ZNRF2: variants seen among roughly 807,000 people sequenced by gnomAD.
The protein encoded by ZNRF2 is E3 ubiquitin-protein ligase ZNRF2.
A neutral mutation model predicts 20.4 loss-of-function variants in ZNRF2; 16 were observed. The observed-to-expected ratio is 0.79, with a 90% CI of 0.53 to 1.19. The LOEUF is 1.19. ZNRF2 is among the 50% of genes most tolerant of loss of function. The pLI is 0.00. For synonymous variants in ZNRF2, 178 were observed against 144.9 expected (o/e 1.23, Z -1.64); for missense variants, 363 against 332.4 (o/e 1.09, Z -0.72).
At chr7:30,314,247 T>C (rs576687663) in intron 1 of ZNRF2, among the ~76,000 whole-genome samples, 12 of 152,188 alleles carry the variant, frequency 7.9e-5, no homozygotes, top group East Asian at 5.8e-4. Context: ...AGATGACCTT[T>C]ATTTTCTAAT....
chr7:30,286,659 TCC>T (rs1798796032), intron 1 of ZNRF2, among the ~76,000 whole-genome samples: 1 of 152,200 alleles, frequency 6.6e-6, no homozygotes, highest in African/African-American at 2.4e-5. Context: ...GGAAAATGAA[TCC>T]TACTTCTTCA....
intron 3 of ZNRF2, among the ~76,000 whole-genome samples, chr7:30,360,708 C>T (rs954096613): frequency 9.9e-5 from 15 of 151,786 alleles, no homozygotes; most frequent in African/African-American, 2.4e-4. Context: ...AAACAAAAAG[C>T]GAAAATGTAA....
At chr7:30,341,932 A>C (rs1799801340) in intron 2 of ZNRF2, among the ~76,000 whole-genome samples, 1 of 152,084 alleles carries the variant, frequency 6.6e-6, no homozygotes, top group Non-Finnish European at 1.5e-5. Flanking sequence ...TATTTAGGAT[A>C]GTTAGCTCTT....
At chr7:30,294,913 A>G (rs1296975674) in intron 1 of ZNRF2, among the ~76,000 whole-genome samples, 1 of 151,132 alleles carries the variant, frequency 6.6e-6, no homozygotes, top group African/African-American at 2.4e-5. Context: ...AAAGGATCCT[A>G]GGGTAACTTA....
chr7:30,298,639 A>G (rs1799057708), intron 1 of ZNRF2, among the ~76,000 whole-genome samples: 1 of 152,228 alleles, frequency 6.6e-6, no homozygotes, highest in South Asian at 2.1e-4. Context: ...GTATCAATAC[A>G]GGACCTCTGC....
Position 30,361,536 on chromosome 7 carries a change from A to G in ZNRF2, c.672-841A>G, listed in dbSNP as rs145754743. ...TTGAATCCTGCTTGGATAACTTGCT[A>G]GCTGTTAGGCAAGTAATAGCTAGTT... On this transcript the variant is annotated intron_variant, in intron 3 of 4. Transcript: ENST00000323037. Among the ~76,000 whole-genome samples, 545 of 152,328 alleles carry G rather than the reference A, an allele frequency of 3.6e-3. 4 individuals are homozygous for G. The highest frequency in any genetic ancestry group is 0.012 in the African/African-American group (517 of 41,568).
intron 2 of ZNRF2, among the ~76,000 whole-genome samples, chr7:30,329,448 G>A (rs1215448392): frequency 6.6e-6 from 1 of 151,932 alleles, no homozygotes; most frequent in Non-Finnish European, 1.5e-5. Context: ...CCCTTCCCCA[G>A]TACCCTTCCC....
At chr7:30,333,705 C>T (rs895285417) in intron 2 of ZNRF2, among the ~76,000 whole-genome samples, 20 of 152,200 alleles carry the variant, frequency 1.3e-4, no homozygotes, top group African/African-American at 2.6e-4. Flanking sequence ...TTCTGACTTG[C>T]GTGAGGTGGT....
chr7:30,363,784 C>T (rs927257823), intron 4 of ZNRF2, among the ~76,000 whole-genome samples: 7 of 151,472 alleles, frequency 4.6e-5, no homozygotes, highest in African/African-American at 1.7e-4. Context: ...TTCACAAGTG[C>T]ATTAAATTGA....
rs1798758924 is a variant in ZNRF2 at position 30,285,475 on chromosome 7, G to A, written c.118G>A (p.Gly40Ser). The A allele has an allele frequency of 1.8e-6, 2 of 1,107,094 alleles. No individual in the cohort carries two copies. The highest frequency in any genetic ancestry group is 2.5e-5 in the South Asian group (1 of 39,766). 68.6% of individuals were successfully genotyped at this position (1,107,094 alleles called of 1,614,324 possible). A position where few individuals can be genotyped will look rare whatever the true frequency, so the allele number is the denominator to read the frequency against. Reference protein sequence around the residue: ...GANGTAGGGGGARAAAAGRFP... With the variant: ...GANGTAGGGGSARAAAAGRFP... The stretch of plus-strand genomic sequence containing the variant: ...CAATGGGACCGCGGGCGGCGGCGGG[G>A]GCGCTCGGGCCGCCGCCGCGGGGAG... The change falls in exon 1 of 5, where the codon GGC becomes AGC. Residue 40 changes from glycine to serine, a missense_variant. Gly to Ser is a moderately conservative substitution (Grantham distance 56, BLOSUM62 0). This residue lies in a region of ZNRF2 where 302 missense variants were observed against 231.5 expected (regional missense o/e 1.30). Transcript: ENST00000323037.
rs556500264 is a variant in ZNRF2, at chr7:30,350,436, A to G, written c.566-5292A>G. 3.9e-5 allele frequency among the ~76,000 whole-genome samples: 6 copies of G among 152,180 alleles called. No homozygotes were observed. In the South Asian group the frequency reaches 1.2e-3, roughly 32 times the overall value. On this transcript the variant is annotated intron_variant, in intron 2 of 4. Transcript: ENST00000323037. ...ATTTAAACTAGAGAGGCATTGAAAA[A>G]GTAATTTTCAGTGGCATCTAGGCAG...
At chr7:30,345,463 A>G (rs1799862346) in intron 2 of ZNRF2, among the ~76,000 whole-genome samples, 1 of 151,830 alleles carries the variant, frequency 6.6e-6, no homozygotes, top group Non-Finnish European at 1.5e-5. Flanking sequence ...TAGTGGATAT[A>G]TAGTGTTCTG....
intron 1 of ZNRF2, among the ~76,000 whole-genome samples, chr7:30,291,275 A>G (rs950759151): frequency 6.6e-5 from 10 of 152,234 alleles, no homozygotes; most frequent in African/African-American, 2.2e-4. Context: ...ATAGTGCTGT[A>G]GGTTTGTTTT....
At chr7:30,301,700 T>TA (rs61418583) in intron 1 of ZNRF2, among the ~76,000 whole-genome samples, 2,150 of 115,648 alleles carry the variant, frequency 0.019, 35 homozygotes, top group Admixed American at 0.063. Context: ...AGGCTTTTTT[T>TA]AAAAAAAAAA....
chr7:30,316,288 C>CAAAAAAAAAAAAAAAA (rs60218988), intron 1 of ZNRF2, among the ~76,000 whole-genome samples: 14 of 27,500 alleles, frequency 5.1e-4, no homozygotes, highest in African/African-American at 1.2e-3. Context: ...AACTCCATCT[C>CAAAAAAAAAAAAAAAA]AAAAAAAAAA....
intron 2 of ZNRF2, among the ~76,000 whole-genome samples, chr7:30,347,889 C>G (rs1026551151): frequency 1.3e-5 from 2 of 152,122 alleles, no homozygotes; most frequent in African/African-American, 4.8e-5. Flanking sequence ...AGAAAGATTT[C>G]TCAGTTGTTC....
intron 4 of ZNRF2, among the ~76,000 whole-genome samples, chr7:30,365,256 A>G (rs1209195817): frequency 6.9e-6 from 1 of 144,914 alleles, no homozygotes; most frequent in Non-Finnish European, 1.5e-5. Flanking sequence ...CTTATGGGAT[A>G]TGTGGAGCAT....
chr7:30,325,560 G>A (rs1799538942), intron 2 of ZNRF2, among the ~76,000 whole-genome samples: 1 of 152,110 alleles, frequency 6.6e-6, no homozygotes, highest in Non-Finnish European at 1.5e-5. Flanking sequence ...ATGTTGGGAG[G>A]GGTAGAATTT....
intron 1 of ZNRF2, among the ~76,000 whole-genome samples, chr7:30,318,183 G>A (rs1799407390): frequency 6.6e-6 from 1 of 152,114 alleles, no homozygotes; most frequent in African/African-American, 2.4e-5. Context: ...TAGGAGGGAG[G>A]TTCATGACAT....
Sources: gnomAD v4.1 joint callset for allele counts (sites outside exome capture counted in the v4.1 genomes callset) on GRCh38, gnomAD v4.1.1 for gene constraint, gnomAD v4.1.1 regional missense constraint, MANE v1.5 for transcripts, NCBI Gene and HGNC (gene_info 2026-07-23, HGNC 2026-07-21) for gene names.